Variants in BRWD3 observed in about 807,000 individuals in gnomAD.
The protein encoded by BRWD3 is bromodomain and WD repeat domain containing 3.
BRWD3 carries 10 observed loss-of-function variants against 149.7 expected under a neutral mutation model. The ratio of observed to expected loss-of-function variants is 0.07; its 90% CI spans 0.04 to 0.11. The LOEUF (loss-of-function observed/expected upper bound fraction) is 0.11. Ranked by LOEUF, BRWD3 falls within the 10% of genes least tolerant of loss-of-function variation. BRWD3 has a pLI of 1.00. For synonymous variants in BRWD3, 504 were observed against 456.7 expected (o/e 1.10, Z -1.32); for missense variants, 940 against 1,373.2 (o/e 0.68, Z 4.99).
At chrX:80,677,467 A>G in intron 40 of BRWD3, 104 bp from the exon 41 acceptor site, 1 of 1,020,801 alleles carries the variant, frequency 9.8e-7, no homozygotes, top group South Asian at 2.5e-5. Flanking sequence ...GTGGAATACA[A>G]TCATGGAGGG....
intron 4 of BRWD3, among the ~76,000 whole-genome samples, chrX:80,797,843 C>T (rs2147862181): frequency 9.0e-6 from 1 of 111,519 alleles, no homozygotes; most frequent in Non-Finnish European, 1.9e-5. Context: ...TGCCTGTCAT[C>T]TCAGCACTTT....
chrX:80,778,976 G>A (rs1186431328), intron 6 of BRWD3, among the ~76,000 whole-genome samples: 2 of 111,780 alleles, frequency 1.8e-5, no homozygotes, highest in Non-Finnish European at 3.8e-5. Context: ...TCCAGCCAGG[G>A]CAATAGAGCA....
intron 6 of BRWD3, among the ~76,000 whole-genome samples, chrX:80,773,185 A>G (rs751383997): frequency 1.8e-5 from 2 of 111,658 alleles, no homozygotes; most frequent in Non-Finnish European, 3.8e-5. Flanking sequence ...GCAAGTACTA[A>G]AAGTGTACAG....
chrX:80,701,891 C>G (rs1409965563), intron 24 of BRWD3, among the ~76,000 whole-genome samples: 2 of 110,585 alleles, frequency 1.8e-5, no homozygotes, highest in African/African-American at 6.6e-5. Context: ...GATATGGAAA[C>G]TCATGTAGAT....
At chrX:80,700,085 T>C in intron 24 of BRWD3, 21 bp from the exon 25 acceptor site, 1 of 1,116,090 alleles carries the variant, frequency 9.0e-7, no homozygotes, top group East Asian at 3.0e-5. Context: ...AAACATAAGG[T>C]ATTAAACAGC....
In BRWD3 at chrX:80,690,969, T is replaced by C. The variant is rs1180576979; in HGVS notation, c.3602+84A>G. On this transcript the variant is annotated intron_variant, in intron 31 of 40. Transcript: ENST00000373275. Reference sequence around the variant, plus strand: ...GTGGGTCTTTTGGATGATCATGTTATACTATGGAAATGCAGATCTCAAAAA... The same window carrying C: ...GTGGGTCTTTTGGATGATCATGTTACACTATGGAAATGCAGATCTCAAAAA... 5.6e-6 allele frequency: 6 copies of C among 1,073,724 alleles called. 1 individual carries two copies. The highest frequency in any genetic ancestry group is 7.6e-6 in the Non-Finnish European group (6 of 785,137). The allele number at this position is 1,073,724 out of a possible 1,213,427, so 88.5% of individuals were successfully genotyped here.
intron 6 of BRWD3, among the ~76,000 whole-genome samples, chrX:80,781,063 G>C (rs932905444): frequency 5.3e-5 from 6 of 112,185 alleles, no homozygotes; most frequent in Non-Finnish European, 1.1e-4. Flanking sequence ...TAGAATTAAT[G>C]CAAGGGTCCT....
Position 80,808,593 on chromosome X carries a change from A to C in BRWD3, c.126T>G (p.Ile42Met). Residue 42 changes from isoleucine to methionine, a missense_variant, in exon 4 of 41, where the codon ATT (isoleucine) becomes ATG (methionine). Ile to Met is a conservative substitution (Grantham distance 10). This residue lies in a region of BRWD3 where 105 missense variants were observed against 127.7 expected (regional missense o/e 0.82). Transcript: ENST00000373275. ...LVQELEEHQL[I>M]PRRLDWEGKE... ...TCCCCTCCCAATCTAAGCGGCGCGGAATCAGCTGGGGGCCGGACGAAAAGA... is the reference window on the plus strand; with the variant it reads ...TCCCCTCCCAATCTAAGCGGCGCGGCATCAGCTGGGGGCCGGACGAAAAGA... 8.3e-7 allele frequency: 1 copy of C among 1,208,920 alleles called. No homozygotes were observed. Among genetic ancestry groups the C allele is most frequent in the South Asian group, 1.8e-5 (1 of 56,835 alleles).
At chrX:80,744,576 T>C (rs532822718) in intron 7 of BRWD3, among the ~76,000 whole-genome samples, 3 of 112,609 alleles carry the variant, frequency 2.7e-5, no homozygotes, top group African/African-American at 9.7e-5. Flanking sequence ...TCTTTAGGCT[T>C]GACAGCCTTT....
chrX:80,677,406 T>A, intron 40 of BRWD3, 43 bp from the exon 41 acceptor site: 1 of 1,171,885 alleles, frequency 8.5e-7, no homozygotes, highest in Non-Finnish European at 1.1e-6. Context: ...GCTTTGACAT[T>A]GACAAAATGG....
At chrX:80,755,619 C>T (rs547502059) in intron 6 of BRWD3, among the ~76,000 whole-genome samples, 2 of 111,626 alleles carry the variant, frequency 1.8e-5, no homozygotes, top group African/African-American at 6.5e-5. Context: ...TCTATTACTC[C>T]ACCTCTGGGC....
At chrX:80,783,446 A>G (rs1196864106) in intron 6 of BRWD3, among the ~76,000 whole-genome samples, 1 of 110,333 alleles carries the variant, frequency 9.1e-6, no homozygotes, top group African/African-American at 3.3e-5. Flanking sequence ...GTTTTGGAGA[A>G]AAGGGAACCC....
intron 8 of BRWD3, among the ~76,000 whole-genome samples, chrX:80,742,574 G>T (rs1046144392): frequency 1.0e-4 from 11 of 109,726 alleles, no homozygotes; most frequent in Non-Finnish European, 1.5e-4. Flanking sequence ...TTATTTCATT[G>T]AGCAGTGGTT....
intron 18 of BRWD3, among the ~76,000 whole-genome samples, chrX:80,718,212 T>A (rs1362323280): frequency 1.8e-5 from 2 of 111,714 alleles, no homozygotes; most frequent in Non-Finnish European, 3.8e-5. Flanking sequence ...TTTTTTTAAA[T>A]CAAAATTTCA....
At position 80,723,884 on chromosome X, in the gene BRWD3, T is replaced by C. The variant is rs368125780; in HGVS notation, c.1522-8A>G. The C allele has an allele frequency of 2.3e-5, 28 of 1,208,218 alleles. No individual in the cohort carries two copies. In the African/African-American group the frequency reaches 4.5e-4, roughly 20 times the overall value. On this transcript the variant is annotated splice_region_variant and splice_polypyrimidine_tract_variant and intron_variant, in intron 15 of 40. Coordinates refer to ENST00000373275, the MANE Select transcript of BRWD3 (RefSeq NM_153252.5). ...ATGGCCTTGGCCTTCAATCTGAAATTCAGAGGAGTCTCAAGTCATCTTAAG... is the reference window on the plus strand; with the variant it reads ...ATGGCCTTGGCCTTCAATCTGAAATCCAGAGGAGTCTCAAGTCATCTTAAG...
At position 80,688,141 on chromosome X, in the gene BRWD3, A is replaced by G; in HGVS notation, c.3808-16T>C. The G allele has an allele frequency of 8.6e-7, 1 of 1,160,170 alleles. No individual in the cohort carries two copies. On this transcript the variant is annotated splice_polypyrimidine_tract_variant and intron_variant, in intron 33 of 40. Coordinates refer to ENST00000373275, the MANE Select transcript of BRWD3 (RefSeq NM_153252.5). Reference sequence around the variant, plus strand: ...TTTCTGTATCCTTAATTAAAAAGGAAGAGTGGGAAAAGACGTTAAGTTACA... The same window carrying G: ...TTTCTGTATCCTTAATTAAAAAGGAGGAGTGGGAAAAGACGTTAAGTTACA...
chrX:80,790,582 A>T (rs975458796), intron 6 of BRWD3, among the ~76,000 whole-genome samples: 1 of 111,390 alleles, frequency 9.0e-6, no homozygotes, highest in Non-Finnish European at 1.9e-5. Flanking sequence ...CAGTGTAAAG[A>T]GTTTATTTTA....
At chrX:80,696,716 G>C (rs751279948) in intron 26 of BRWD3, 23 bp downstream of exon 26, 12 of 1,207,402 alleles carry the variant, frequency 9.9e-6, no homozygotes, top group Non-Finnish European at 1.3e-5. Flanking sequence ...CACTCAAACA[G>C]AGACTCAGAG....
At chrX:80,806,712 T>C (rs1158142599) in intron 4 of BRWD3, among the ~76,000 whole-genome samples, 1 of 112,406 alleles carries the variant, frequency 8.9e-6, no homozygotes, top group Non-Finnish European at 1.9e-5. Flanking sequence ...ATATCGTACC[T>C]TAAATACAAC....
Sources: allele counts gnomAD v4.1 joint callset (sites outside exome capture counted in the v4.1 genomes callset), GRCh38; gene constraint gnomAD v4.1.1; regional missense constraint gnomAD v4.1.1; transcripts MANE v1.5; gene names NCBI Gene and HGNC (gene_info 2026-07-23, HGNC 2026-07-21).